The following ERICH3 variants were observed in gnomAD, a reference collection of about 807,000 sequenced individuals.
ERICH3 encodes the protein glutamate-rich protein 3.
Under a neutral mutation model 131.1 loss-of-function variants are expected in ERICH3, and 126 were observed. The observed-to-expected ratio is 0.96, with a 90% CI of 0.83 to 1.11. The LOEUF (loss-of-function observed/expected upper bound fraction) is 1.11, where lower values mean the gene tolerates loss of function less well. Ranked by LOEUF, ERICH3 falls within the 50% of genes most tolerant of loss-of-function variation. The pLI is 0.00. For synonymous variants in ERICH3, 695 were observed against 644.6 expected (o/e 1.08, Z -1.18); for missense variants, 2,050 against 1,810.7 (o/e 1.13, Z -2.40).
rs76745614 is a variant in ERICH3 at position 74,666,864 on chromosome 1, T to G, written c.23+6633A>C. Among the ~76,000 whole-genome samples, 49 of 152,322 alleles carry G rather than the reference T, an allele frequency of 3.2e-4. No homozygotes were observed. The East Asian group carries it at 9.1e-3, about 28-fold the overall frequency. ...GTGTGTTCAATGTACTATTCAGCAA[T>G]TTTTGTATGCTGAAGTTTTAGAACC... On this transcript the variant is annotated intron_variant, in intron 1 of 14. Transcript: ENST00000326665.
intron 9 of ERICH3, among the ~76,000 whole-genome samples, chr1:74,607,703 G>A (rs1171567159): frequency 1.3e-5 from 2 of 151,912 alleles, no homozygotes; most frequent in African/African-American, 2.4e-5. Flanking sequence ...GAACCATGCA[G>A]ATAATCTGAA....
chr1:74,626,679 A>G (rs1475498132), intron 7 of ERICH3, among the ~76,000 whole-genome samples: 6 of 152,166 alleles, frequency 3.9e-5, no homozygotes, highest in Non-Finnish European at 8.8e-5. Flanking sequence ...GGAACACAAA[A>G]GTCTGGAGGT....
chr1:74,670,153 C>T (rs192650038), intron 1 of ERICH3, among the ~76,000 whole-genome samples: 6 of 152,192 alleles, frequency 3.9e-5, no homozygotes, highest in Admixed American at 3.3e-4. Flanking sequence ...TTTTCATTTA[C>T]TTTTGATAAA....
rs1284241434 is a variant in ERICH3, at chr1:74,571,768, C to T, written c.3942G>A (p.Ser1314=). ...CTCCTTCCATGTCCCCGTCCCCTTC[C>T]GAGTTCCTGTCCTGCATCGCTTCTG... is the stretch of plus-strand genomic sequence containing the variant. The part of the protein sequence containing the change: ...LETEAMQDRN[S]EGDGDMEGEG... Residue 1314 remains serine, a synonymous_variant, in exon 14 of 15, where the codon TCG becomes TCA. Transcript: ENST00000326665. 6.2e-7 allele frequency: 1 copy of T among 1,614,100 alleles called. No homozygotes were observed. The highest frequency in any genetic ancestry group is 8.5e-7 in the Non-Finnish European group (1 of 1,180,040).
At chr1:74,636,254 T>C (rs746170700) in intron 6 of ERICH3, 26 bp downstream of exon 6, 3 of 1,545,468 alleles carry the variant, frequency 1.9e-6, no homozygotes, top group Admixed American at 1.9e-5. Context: ...AATTAAAATA[T>C]ATTTATTGAT....
intron 7 of ERICH3, among the ~76,000 whole-genome samples, chr1:74,628,694 TAC>T (rs3036412): frequency 0.13 from 19,559 of 148,292 alleles, 1,503 homozygotes; most frequent in South Asian, 0.29. Context: ...CCATATACAG[TAC>T]ACACACACAC....
At chr1:74,602,414 C>A (rs1648180631) in intron 10 of ERICH3, among the ~76,000 whole-genome samples, 1 of 152,026 alleles carries the variant, frequency 6.6e-6, no homozygotes, top group African/African-American at 2.4e-5. Flanking sequence ...TACATAATTT[C>A]TTCTGTTCTC....
rs1437850937 is a variant in ERICH3, at chr1:74,649,265, A to T, written c.74T>A (p.Phe25Tyr). The T allele has an allele frequency of 6.2e-7, 1 of 1,612,768 alleles. No homozygotes were observed. The highest frequency in any genetic ancestry group is 2.2e-5 in the East Asian group (1 of 44,822). The change falls in exon 2 of 15, where the codon TTT (phenylalanine) becomes TAT (tyrosine). Residue 25 changes from phenylalanine to tyrosine, a missense_variant. Physicochemically the swap from Phe to Tyr is conservative, Grantham distance 22. Coordinates refer to ENST00000326665, the MANE Select transcript of ERICH3 (RefSeq NM_001002912.5). Reference sequence around the variant, plus strand: ...ATGACGCCTTATCCTTGTATTGTTAAAATACCCAGCCAGGTGTTTATCCAT... The same window carrying T: ...ATGACGCCTTATCCTTGTATTGTTATAATACCCAGCCAGGTGTTTATCCAT... ...SLMDKHLAGY[F>Y]NNTRIRRHLL...
At position 74,673,780 on chromosome 1, in the gene ERICH3, C is replaced by G. The variant is rs1646764008; in HGVS notation, c.-261G>C. 5.2e-6 allele frequency: 2 copies of G among 381,806 alleles called. No homozygotes were observed. The highest frequency in any genetic ancestry group is 9.2e-6 in the Non-Finnish European group (2 of 217,490). 23.7% of individuals were successfully genotyped at this position (381,806 alleles called of 1,614,324 possible). On this transcript the variant is annotated 5_prime_UTR_variant, in exon 1 of 15. Transcript: ENST00000326665. ...GGCAAGCGCCCAGGGTCTGGAGAAG[C>G]GGAGGCGCTACTGGAACCGAGCCTG...
Position 74,573,204 on chromosome 1 carries a change from C to A in ERICH3, c.2506G>T (p.Glu836Ter). ...TEKREIPPGI[E>*]RGAEGAAEAE... ...TCTGCTGCTCCCTCTGCCCCCCTTT[C>A]TATGCCTGGAGGGATCTCCCTTTTT... The change falls in exon 14 of 15, where the codon GAA (glutamate) becomes TAA (stop). Residue 836 changes from glutamate (E) to a stop codon, truncating the protein, a stop_gained. Transcript: ENST00000326665. LOFTEE classifies it high-confidence loss of function. 2 of 1,612,738 alleles carry A rather than the reference C, an allele frequency of 1.2e-6. No individual in the cohort carries two copies. Among genetic ancestry groups the A allele is most frequent in the African/African-American group, 2.7e-5 (2 of 75,042 alleles).
chr1:74,587,083 T>G (rs187265105), intron 12 of ERICH3, among the ~76,000 whole-genome samples: 3 of 152,228 alleles, frequency 2.0e-5, no homozygotes, highest in Admixed American at 2.0e-4. Context: ...CCCAACACTT[T>G]GGGAGACCGA....
chr1:74,631,279 T>C (rs888568677), intron 7 of ERICH3, among the ~76,000 whole-genome samples: 8 of 152,128 alleles, frequency 5.3e-5, no homozygotes, highest in African/African-American at 1.9e-4. Context: ...TCTTAAAAAA[T>C]TACTGAAATA....
At chr1:74,578,231 C>A in intron 12 of ERICH3, 1 of 158,462 alleles carries the variant, frequency 6.3e-6, no homozygotes, top group African/African-American at 2.4e-5. Flanking sequence ...GAGAGAGCAT[C>A]TTCATCTTCC....
intron 1 of ERICH3, among the ~76,000 whole-genome samples, chr1:74,654,424 A>C (rs1015300551): frequency 4.0e-5 from 6 of 151,802 alleles, no homozygotes; most frequent in African/African-American, 1.5e-4. Context: ...TGTTTCTCTT[A>C]GTTTCTTTGG....
At chr1:74,596,646 T>C (rs1178818152) in intron 11 of ERICH3, among the ~76,000 whole-genome samples, 2 of 152,096 alleles carry the variant, frequency 1.3e-5, no homozygotes, top group Non-Finnish European at 2.9e-5. Context: ...AAACTGTCCA[T>C]AAAAGTATAT....
rs1400598449 is a variant in ERICH3 at position 74,673,514 on chromosome 1, G to C, written c.6C>G (p.Ser2Arg). 1 of 1,613,320 alleles carries C rather than the reference G, an allele frequency of 6.2e-7. No individual in the cohort carries two copies. Among genetic ancestry groups the C allele is most frequent in the Non-Finnish European group, 8.5e-7 (1 of 1,179,812 alleles). The part of the protein sequence containing the change: M[S>R]HSHPAGLLAA... ...TCACTTACCCAGCGGGGTGAGAATG[G>C]CTCATTTTTGCAGGATCCCTTTTGG... The change falls in exon 1 of 15, where the codon AGC becomes AGG. Residue 2 changes from serine to arginine, a missense_variant. By Grantham distance (110) the Ser-to-Arg change is moderately radical. Transcript: ENST00000326665.
chr1:74,605,404 T>C (rs1648338298), intron 10 of ERICH3, among the ~76,000 whole-genome samples: 1 of 151,950 alleles, frequency 6.6e-6, no homozygotes, highest in African/African-American at 2.4e-5. Context: ...TCAGGAACTT[T>C]TCTTTTGCAT....
In ERICH3 at chr1:74,619,198, C is replaced by A. The variant is rs142247293; in HGVS notation, c.1000+1536G>T. 5.2e-3 allele frequency among the ~76,000 whole-genome samples: 785 copies of A among 152,320 alleles called. 6 individuals carry two copies. The highest frequency in any genetic ancestry group is 0.018 in the African/African-American group (746 of 41,572). On this transcript the variant is annotated intron_variant, in intron 8 of 14. Coordinates refer to ENST00000326665, the MANE Select transcript of ERICH3 (RefSeq NM_001002912.5). ...AAATAACACTGACTCAAGTGACACC[C>A]TTTTTCCCATAACCTTTGGTTTTTC...
intron 11 of ERICH3, among the ~76,000 whole-genome samples, chr1:74,593,355 C>T (rs149697197): frequency 2.1e-4 from 32 of 152,194 alleles, no homozygotes; most frequent in East Asian, 1.4e-3. Flanking sequence ...TTCTCCTGTA[C>T]GACAAACCCT....
Sources: gnomAD v4.1 joint callset for allele counts (sites outside exome capture counted in the v4.1 genomes callset) on GRCh38, gnomAD v4.1.1 for gene constraint, MANE v1.5 for transcripts, NCBI Gene and HGNC (gene_info 2026-07-23, HGNC 2026-07-21) for gene names.